The following MAK variants were observed in gnomAD, a reference collection of about 807,000 sequenced individuals.
MAK encodes the protein serine/threonine-protein kinase MAK.
A neutral mutation model predicts 82.6 loss-of-function variants in MAK; 65 were observed. The ratio of observed to expected loss-of-function variants is 0.79; its 90% confidence interval spans 0.64 to 0.97. The LOEUF (loss-of-function observed/expected upper bound fraction) is 0.97, where lower values mean the gene tolerates loss of function less well. MAK is among the 50% of genes least tolerant of loss of function. The pLI is 0.00. For synonymous variants in MAK, 250 were observed against 274.2 expected, an observed-to-expected ratio of 0.91 and a Z score of 0.87; for missense variants, 703 against 780.2, an observed-to-expected ratio of 0.90 and a Z score of 1.18.
At chr6:10,769,046 C>T (rs569242256) in intron 14 of MAK, among the ~76,000 whole-genome samples, 1 of 152,180 alleles carries the variant, frequency 6.6e-6, no homozygotes, top group African/African-American at 2.4e-5. Context: ...CCTGTCCCTA[C>T]AAAAAACATT....
chr6:10,814,206 C>T (rs368779106), intron 4 of MAK, among the ~76,000 whole-genome samples: 13 of 151,954 alleles, frequency 8.6e-5, no homozygotes, highest in Non-Finnish European at 1.6e-4. Flanking sequence ...TGACCTCAGG[C>T]GATCTGCCCA....
At chr6:10,779,542 G>T in intron 11 of MAK, 1 of 946,828 alleles carries the variant, frequency 1.1e-6, no homozygotes, top group Non-Finnish European at 1.3e-6. Context: ...AATCCTAAAA[G>T]TCGATGCTTA....
intron 1 of MAK, among the ~76,000 whole-genome samples, chr6:10,834,875 C>T (rs1423643680): frequency 6.6e-6 from 1 of 152,180 alleles, no homozygotes; most frequent in African/African-American, 2.4e-5. Context: ...TCAAAGAATG[C>T]ACTCAGACAC....
chr6:10,826,128 G>A (rs998615528), intron 2 of MAK, among the ~76,000 whole-genome samples: 32 of 151,836 alleles, frequency 2.1e-4, no homozygotes, highest in Non-Finnish European at 2.4e-4. Context: ...CGTAATCCAC[G>A]CTCCAGCCAC....
chr6:10,828,532 T>C (rs1778546393), intron 2 of MAK, among the ~76,000 whole-genome samples: 1 of 152,088 alleles, frequency 6.6e-6, no homozygotes, highest in Non-Finnish European at 1.5e-5. Flanking sequence ...AAAAGGTAAT[T>C]AAGTTTAAGT....
intron 11 of MAK, among the ~76,000 whole-genome samples, chr6:10,783,075 C>T (rs1774153259): frequency 6.6e-6 from 1 of 152,100 alleles, no homozygotes. Flanking sequence ...AGCAAATCTT[C>T]CTCAGTTAAA....
At chr6:10,835,553 G>A (rs1340069352) in intron 1 of MAK, among the ~76,000 whole-genome samples, 4 of 152,320 alleles carry the variant, frequency 2.6e-5, no homozygotes, top group Admixed American at 6.5e-5. Flanking sequence ...GAGCCACTGC[G>A]CCCAGCCATG....
chr6:10,794,377 T>C (rs1219867072), intron 9 of MAK, among the ~76,000 whole-genome samples: 1 of 152,192 alleles, frequency 6.6e-6, no homozygotes, highest in African/African-American at 2.4e-5. Flanking sequence ...CAAACATTCC[T>C]GACCTCACTG....
At chr6:10,813,541 T>C (rs1005256816) in intron 5 of MAK, 103 bp downstream of exon 5, 5 of 755,422 alleles carry the variant, frequency 6.6e-6, no homozygotes, top group Non-Finnish European at 9.7e-6. Context: ...TCCAGATTCA[T>C]AGTTATCCAA....
Position 10,793,834 on chromosome 6 carries a change from G to A in MAK, c.1144-1987C>T, listed in dbSNP as rs1775288096. The stretch of plus-strand genomic sequence containing the variant: ...TGATGCATCTTCCAAGGGGTCATGG[G>A]GAGGACTGTCATCGTTGGTGGCACG... On this transcript the variant is annotated intron_variant, in intron 9 of 14. Transcript: ENST00000354489. The surrounding 1 kb of genome is among the most constrained non-coding windows in gnomAD (Gnocchi z 4.6). 1.3e-5 allele frequency among the ~76,000 whole-genome samples: 2 copies of A among 152,268 alleles called. No individual in the cohort carries two copies. Among genetic ancestry groups the A allele is most frequent in the South Asian group, 2.1e-4 (1 of 4,824 alleles).
In MAK at chr6:10,782,577, A is replaced by ATTT. The variant is rs70991043; in HGVS notation, c.1465+1844_1465+1846dup. Among the ~76,000 whole-genome samples the ATTT allele has an allele frequency of 2.2e-4, 26 of 116,560 alleles. 1 individual carries two copies. Among genetic ancestry groups the ATTT allele is most frequent in the African/African-American group, 6.6e-4 (20 of 30,096 alleles). The allele number at this position is 116,560 out of a possible 152,430, so 76.5% of individuals were successfully genotyped here. On this transcript the variant is annotated intron_variant, in intron 11 of 14. Coordinates refer to ENST00000354489, the MANE Select transcript of MAK (RefSeq NM_001242957.3). ...AACAGCAAGAGAGGGTCCCAACTGG[A>ATTT]TTTTTTTTTTTTTTTTTTTTTGACA...
At chr6:10,815,987 T>C (rs1343229411) in intron 4 of MAK, among the ~76,000 whole-genome samples, 1 of 149,148 alleles carries the variant, frequency 6.7e-6, no homozygotes, top group African/African-American at 2.5e-5. Context: ...TCTTCTTCTG[T>C]TGCCCAGGCT....
At chr6:10,788,726 A>G (rs1210341715) in intron 10 of MAK, among the ~76,000 whole-genome samples, 6 of 152,132 alleles carry the variant, frequency 3.9e-5, no homozygotes, top group Non-Finnish European at 7.3e-5. Context: ...ATGAAGCGAC[A>G]TTCCGTCTCA....
intron 8 of MAK, among the ~76,000 whole-genome samples, chr6:10,799,074 G>T (rs1034535659): frequency 6.6e-6 from 1 of 151,948 alleles, no homozygotes; most frequent in African/African-American, 2.4e-5. Flanking sequence ...CAAGTGATCC[G>T]CCTGCCTCGG....
At chr6:10,814,668 A>G (rs1477406566) in intron 4 of MAK, among the ~76,000 whole-genome samples, 3 of 146,866 alleles carry the variant, frequency 2.0e-5, no homozygotes, top group African/African-American at 7.5e-5. Context: ...TCCTGCCTCC[A>G]AAAAAAAAAG....
At chr6:10,785,122 G>C (rs549828633) in intron 10 of MAK, among the ~76,000 whole-genome samples, 2 of 152,124 alleles carry the variant, frequency 1.3e-5, no homozygotes, top group Non-Finnish European at 2.9e-5. Flanking sequence ...TAAGCACCTC[G>C]CTAGCTGTTT....
Position 10,816,392 on chromosome 6 carries a change from A to G in MAK, c.278+1458T>C, listed in dbSNP as rs1194765713. Among the ~76,000 whole-genome samples the G allele has an allele frequency of 3.3e-5, 5 of 151,726 alleles. No homozygotes were observed. The Admixed American group carries it at 3.3e-4, about 10-fold the overall frequency. On this transcript the variant is annotated intron_variant, in intron 4 of 14. Coordinates refer to ENST00000354489, the MANE Select transcript of MAK (RefSeq NM_001242957.3). ...ATCCAGATTTATATATATTTCAAAA[A>G]TAGATGAAAATTTAATATTTCATGA...
chr6:10,791,888 C>A, intron 9 of MAK, 41 bp from the exon 10 acceptor site: 5 of 1,600,566 alleles, frequency 3.1e-6, no homozygotes, highest in Non-Finnish European at 4.3e-6. Flanking sequence ...TAATCATGTA[C>A]TGAATGCCTT....
rs1247320073 is a variant in MAK, at chr6:10,764,567, G to A, written c.1832C>T (p.Ser611Leu). 6.2e-6 allele frequency: 10 copies of A among 1,614,048 alleles called. No individual in the cohort carries two copies. Among genetic ancestry groups the A allele is most frequent in the Non-Finnish European group, 8.5e-6 (10 of 1,179,954 alleles). The change falls in exon 15 of 15, where the codon TCA becomes TTA. Residue 611 changes from serine to leucine, a missense_variant. Transcript: ENST00000354489. The part of the protein sequence containing the change: ...WNTKTGRGQF[S>L]GRTYNPTAKN... ...TGCTGTAGGATTATAAGTACGTCCTGAAAACTGCCCCCGACCAGTTTTTGT... is the reference window on the plus strand; with the variant it reads ...TGCTGTAGGATTATAAGTACGTCCTAAAAACTGCCCCCGACCAGTTTTTGT...
Sources: gnomAD v4.1 joint callset for allele counts (sites outside exome capture counted in the v4.1 genomes callset) on GRCh38, gnomAD v4.1.1 for gene constraint, Gnocchi (gnomAD v3.1) non-coding constraint, MANE v1.5 for transcripts, NCBI Gene and HGNC (gene_info 2026-07-23, HGNC 2026-07-21) for gene names.